N4BP3: variants seen among roughly 807,000 people sequenced by gnomAD.
N4BP3 encodes the protein NEDD4-binding protein 3.
In N4BP3, 33 loss-of-function variants were observed where a neutral mutation model predicts 43.8. That is an observed-to-expected ratio of 0.75 (90% CI 0.57 to 1.01). The LOEUF (loss-of-function observed/expected upper bound fraction) is 1.01. N4BP3 is among the 50% of genes least tolerant of loss of function. The pLI, the probability that N4BP3 is intolerant of heterozygous loss-of-function variation, is 0.00. For synonymous variants in N4BP3, 326 were observed against 321.9 expected (o/e 1.01, Z -0.14); for missense variants, 756 against 744.2 (o/e 1.02, Z -0.18).
At position 178,120,297 on chromosome 5, in the gene N4BP3, C is replaced by T. The variant is rs773118547; in HGVS notation, c.450C>T (p.His150=). 1.2e-6 allele frequency: 2 copies of T among 1,609,304 alleles called. No homozygotes were observed. Among genetic ancestry groups the T allele is most frequent in the African/African-American group, 1.3e-5 (1 of 74,808 alleles). ...QKLWRSNGSL[H]TLACHPPLSP... ...TGTGGCGCAGCAATGGCAGCCTGCACACGCTGGCCTGCCACCCGCCCCTGA... is the reference window on the plus strand; with the variant it reads ...TGTGGCGCAGCAATGGCAGCCTGCATACGCTGGCCTGCCACCCGCCCCTGA... Residue 150 remains histidine (H), a synonymous_variant, in exon 3 of 5, where the codon CAC becomes CAT. Transcript: ENST00000274605.
chr5:178,115,799 C>T (rs1188593747), intron 1 of N4BP3, among the ~76,000 whole-genome samples: 1 of 152,254 alleles, frequency 6.6e-6, no homozygotes, highest in Non-Finnish European at 1.5e-5. Flanking sequence ...CTGGCCAGGG[C>T]AGCTGTGTCT....
chr5:178,118,230 C>T lies in N4BP3; in HGVS notation c.-30-1324C>T, dbSNP rs765718443. On this transcript the variant is annotated intron_variant, in intron 1 of 4. Coordinates refer to ENST00000274605, the MANE Select transcript of N4BP3 (RefSeq NM_015111.2). The surrounding 1 kb of genome is among the most constrained non-coding windows in gnomAD (Gnocchi z 5.4). ...GGCCCAGCACAGGTGGAAGGTGGTC[C>T]GTCAGCCTAGTCCCTTGGTGATGTT... Among the ~76,000 whole-genome samples the T allele has an allele frequency of 6.6e-6, 1 of 152,182 alleles. No homozygotes were observed. Among genetic ancestry groups the T allele is most frequent in the Non-Finnish European group, 1.5e-5 (1 of 68,032 alleles).
chr5:178,121,092 T>C lies in N4BP3; in HGVS notation c.853-6T>C. The C allele has an allele frequency of 1.3e-6, 2 of 1,596,190 alleles. No homozygotes were observed. Among genetic ancestry groups the C allele is most frequent in the Non-Finnish European group, 1.7e-6 (2 of 1,178,810 alleles). On this transcript the variant is annotated splice_polypyrimidine_tract_variant and splice_region_variant and intron_variant, in intron 3 of 4. Coordinates refer to ENST00000274605, the MANE Select transcript of N4BP3 (RefSeq NM_015111.2). ...CCACGGTGGATGCATCTCTTCCCCT[T>C]GACAGGTGCTGGAGGAGCGCCAGCG...
Position 178,124,531 on chromosome 5 carries a change from C to T in N4BP3, c.*2530C>T, listed in dbSNP as rs1758010325. 1.3e-5 allele frequency: 2 copies of T among 152,408 alleles called. No individual in the cohort carries two copies. Among genetic ancestry groups the T allele is most frequent in the African/African-American group, 4.8e-5 (2 of 41,444 alleles). The allele number at this position is 152,408 out of a possible 1,614,324, so 9.4% of individuals were successfully genotyped here. ...TGGCGGGGCCTCAGCTTCCCAGCTG[C>T]CCTGGCTTAGCCTTCCCTGCAGCCC... On this transcript the variant is annotated 3_prime_UTR_variant, in exon 5 of 5. Transcript: ENST00000274605.
chr5:178,119,188 C>CG (rs1431340199), intron 1 of N4BP3, among the ~76,000 whole-genome samples: 6 of 152,170 alleles, frequency 3.9e-5, no homozygotes, highest in African/African-American at 1.4e-4. Flanking sequence ...TAGCCCTGTG[C>CG]GGGCCCAGTG....
chr5:178,125,774 A>G lies in N4BP3; in HGVS notation c.*3773A>G, dbSNP rs903168329. On this transcript the variant is annotated 3_prime_UTR_variant, in exon 5 of 5. Transcript: ENST00000274605. The stretch of plus-strand genomic sequence containing the variant: ...GCAGAGTTATGTAACGAACCCAACA[A>G]TGAAGATACAGTTCTGTCACCCCCC... The G allele has an allele frequency of 2.6e-5, 4 of 152,182 alleles. 1 individual carries two copies. Among genetic ancestry groups the G allele is most frequent in the Admixed American group, 2.6e-4 (4 of 15,268 alleles). The allele number at this position is 152,182 out of a possible 1,614,324, so 9.4% of individuals were successfully genotyped here. A position where few individuals can be genotyped will look rare whatever the true frequency, so the allele number is the denominator to read the frequency against.
In N4BP3 at chr5:178,121,903, G is replaced by C. The variant is rs767769684; in HGVS notation, c.1537G>C (p.Asp513His). The change falls in exon 5 of 5, where the codon GAC becomes CAC. Residue 513 changes from aspartate to histidine, a missense_variant. Coordinates refer to ENST00000274605, the MANE Select transcript of N4BP3 (RefSeq NM_015111.2). ...YQREIQGGYM[D>H]MYRRNQALEQ... ...GCGGGAGATCCAGGGAGGGTACATG[G>C]ACATGTACCGCCGCAACCAGGCACT... The C allele has an allele frequency of 6.2e-7, 1 of 1,611,490 alleles. No individual in the cohort carries two copies. The highest frequency in any genetic ancestry group is 8.5e-7 in the Non-Finnish European group (1 of 1,179,684).
At position 178,117,227 on chromosome 5, in the gene N4BP3, C is replaced by A. The variant is rs952494482; in HGVS notation, c.-30-2327C>A. On this transcript the variant is annotated intron_variant, in intron 1 of 4. Coordinates refer to ENST00000274605, the MANE Select transcript of N4BP3 (RefSeq NM_015111.2). ...GGAGAGCAGGTCTCTGCTGTCCCCTCCCCAAGAAGCAGCAACAGGAGTTGA... is the reference window on the plus strand; with the variant it reads ...GGAGAGCAGGTCTCTGCTGTCCCCTACCCAAGAAGCAGCAACAGGAGTTGA... Among the ~76,000 whole-genome samples the A allele has an allele frequency of 2.6e-5, 4 of 152,162 alleles. No homozygotes were observed. In the South Asian group the frequency reaches 6.2e-4, roughly 24 times the overall value.
At chr5:178,115,802 C>T (rs1757758708) in intron 1 of N4BP3, among the ~76,000 whole-genome samples, 1 of 152,266 alleles carries the variant, frequency 6.6e-6, no homozygotes, top group Non-Finnish European at 1.5e-5. Context: ...GCCAGGGCAG[C>T]TGTGTCTTCC....
chr5:178,117,808 A>C (rs1343626628), intron 1 of N4BP3, among the ~76,000 whole-genome samples: 2 of 151,554 alleles, frequency 1.3e-5, no homozygotes, highest in African/African-American at 4.9e-5. Context: ...GATTCGCCCC[A>C]TCCTGGGTTT....
At chr5:178,116,320 T>C (rs1757770696) in intron 1 of N4BP3, among the ~76,000 whole-genome samples, 2 of 151,934 alleles carry the variant, frequency 1.3e-5, no homozygotes, top group African/African-American at 4.8e-5. Flanking sequence ...GTCCCCACTC[T>C]GTGACATACG....
rs1014202172 is a variant in N4BP3 at position 178,123,152 on chromosome 5, G to A, written c.*1151G>A. The A allele has an allele frequency of 7.9e-5, 12 of 152,394 alleles. No individual in the cohort carries two copies. The highest frequency in any genetic ancestry group is 2.9e-4 in the African/African-American group (12 of 41,458). 9.4% of individuals were successfully genotyped at this position (152,394 alleles called of 1,614,324 possible). A position where few individuals can be genotyped will look rare whatever the true frequency, so the allele number is the denominator to read the frequency against. On this transcript the variant is annotated 3_prime_UTR_variant, in exon 5 of 5. Coordinates refer to ENST00000274605, the MANE Select transcript of N4BP3 (RefSeq NM_015111.2). ...CCACACCTGCCTTTGGTCTCTCAGA[G>A]GCCTGGCTTGCCCTCTGGGCCTTTG... is the stretch of plus-strand genomic sequence containing the variant.
chr5:178,114,987 A>G (rs1757740540), intron 1 of N4BP3, among the ~76,000 whole-genome samples: 1 of 152,178 alleles, frequency 6.6e-6, no homozygotes, highest in South Asian at 2.1e-4. Flanking sequence ...GGCTTAGGAC[A>G]ACCTGCTGAG....
chr5:178,126,609 G>A (rs1044213563), downstream of N4BP3, among the ~76,000 whole-genome samples: 2 of 152,126 alleles, frequency 1.3e-5, no homozygotes, highest in African/African-American at 2.4e-5. Context: ...TCTGACCATC[G>A]CTCACTCCTT....
Position 178,120,344 on chromosome 5 carries a change from A to G in N4BP3, c.497A>G (p.Gln166Arg), listed in dbSNP as rs1351789800. The stretch of plus-strand genomic sequence containing the variant: ...CTGAGCCCCGGGCCCCGGGCCAGCC[A>G]GGCCCGGGCACAGCTGCTGCACGCC... ...PPLSPGPRAS[Q>R]ARAQLLHALS... is the part of the protein sequence containing the mutation. Residue 166 changes from glutamine to arginine, a missense_variant, in exon 3 of 5, where the codon CAG becomes CGG. Coordinates refer to ENST00000274605, the MANE Select transcript of N4BP3 (RefSeq NM_015111.2). 1.2e-6 allele frequency: 2 copies of G among 1,607,138 alleles called. No individual in the cohort carries two copies. Among genetic ancestry groups the G allele is most frequent in the Admixed American group, 1.7e-5 (1 of 59,736 alleles).
At chr5:178,115,348 C>G (rs551557376) in intron 1 of N4BP3, among the ~76,000 whole-genome samples, 46 of 152,278 alleles carry the variant, frequency 3.0e-4, no homozygotes, top group East Asian at 1.2e-3. Flanking sequence ...ACTACCCCCC[C>G]CTTTTGGAGC....
rs1757929277 is a variant in N4BP3 at position 178,121,686 on chromosome 5, C to G, written c.1320C>G (p.Gly440=). 1 of 1,610,998 alleles carries G rather than the reference C, an allele frequency of 6.2e-7. No individual in the cohort carries two copies. Among genetic ancestry groups the G allele is most frequent in the Non-Finnish European group, 8.5e-7 (1 of 1,179,850 alleles). The part of the protein sequence containing the change: ...QEQAPREEAP[G]SCETDDCKSR... ...AGGCCCCTCGGGAGGAAGCCCCAGG[C>G]AGCTGTGAGACTGATGACTGCAAGA... is the stretch of plus-strand genomic sequence containing the variant. Residue 440 remains glycine (G), a synonymous_variant, in exon 5 of 5, where the codon GGC becomes GGG. Coordinates refer to ENST00000274605, the MANE Select transcript of N4BP3 (RefSeq NM_015111.2).
intron 1 of N4BP3, among the ~76,000 whole-genome samples, chr5:178,117,755 C>T (rs946744304): frequency 2.9e-5 from 4 of 139,648 alleles, no homozygotes; most frequent in African/African-American, 7.8e-5. Context: ...TAGCCTGCAA[C>T]GTGCGTTCTC....
At position 178,125,079 on chromosome 5, in the gene N4BP3, G is replaced by A. The variant is rs1758026157; in HGVS notation, c.*3078G>A. 1 of 152,276 alleles carries A rather than the reference G, an allele frequency of 6.6e-6. No individual in the cohort carries two copies. The highest frequency in any genetic ancestry group is 6.5e-5 in the Admixed American group (1 of 15,282). 9.4% of individuals were successfully genotyped at this position (152,276 alleles called of 1,614,324 possible). A position where few individuals can be genotyped will look rare whatever the true frequency, so the allele number is the denominator to read the frequency against. On this transcript the variant is annotated 3_prime_UTR_variant, in exon 5 of 5. Coordinates refer to ENST00000274605, the MANE Select transcript of N4BP3 (RefSeq NM_015111.2). ...TTTGAGCTTGGGGTGGGGTGGATGG[G>A]GAAGACTTACTCTGAATGTTCGTTC...
Sources: gnomAD v4.1 joint callset for allele counts (sites outside exome capture counted in the v4.1 genomes callset) on GRCh38, gnomAD v4.1.1 for gene constraint, Gnocchi (gnomAD v3.1) non-coding constraint, MANE v1.5 for transcripts, NCBI Gene and HGNC (gene_info 2026-07-23, HGNC 2026-07-21) for gene names.